DNMT3A: variants seen among roughly 807,000 people sequenced by gnomAD.
The protein encoded by DNMT3A is DNA methyltransferase 3 alpha, also known as DNA (cytosine-5)-methyltransferase 3A.
Under a neutral mutation model 117.6 loss-of-function variants are expected in DNMT3A, and 267 were observed. That is an observed-to-expected ratio of 2.27 (90% CI 2.05 to 2.51). The LOEUF (loss-of-function observed/expected upper bound fraction) is 2.51. DNMT3A is among the 30% of genes most tolerant of loss of function. DNMT3A has a pLI of 0.00. For missense variants in DNMT3A, 1,029 were observed against 1,260.2 expected (o/e 0.82, Z 2.78); for synonymous variants, 432 against 474.8 (o/e 0.91, Z 1.17).
chr2:25,319,281 T>A (rs2034503996), intron 1 of DNMT3A, among the ~76,000 whole-genome samples: 1 of 152,012 alleles, frequency 6.6e-6, no homozygotes, highest in Non-Finnish European at 1.5e-5. Context: ...CCCAAAGTGC[T>A]GGGATTACAG....
intron 6 of DNMT3A, among the ~76,000 whole-genome samples, chr2:25,251,630 C>G (rs997861496): frequency 6.6e-6 from 1 of 152,236 alleles, no homozygotes; most frequent in African/African-American, 2.4e-5. Flanking sequence ...CTTGGGCTAC[C>G]CTGGTGTCAC....
chr2:25,314,614 G>C, intron 1 of DNMT3A: 8 of 985,380 alleles, frequency 8.1e-6, no homozygotes, highest in Non-Finnish European at 9.6e-6. Context: ...TGGAGGAAGT[G>C]AGTGCAGTCA....
chr2:25,256,027 C>T lies in DNMT3A; in HGVS notation c.640-7775G>A, dbSNP rs151220802. ...TCATCCCACCAGGACATTTACCATG[C>T]GAGTCTCTCTACTCTGAATCAGAGA... On this transcript the variant is annotated intron_variant, in intron 6 of 22. Coordinates refer to ENST00000321117, the MANE Select transcript of DNMT3A (RefSeq NM_022552.5). Among the ~76,000 whole-genome samples the T allele has an allele frequency of 4.5e-3, 691 of 152,196 alleles. 4 individuals carry two copies. The highest frequency in any genetic ancestry group is 0.013 in the African/African-American group (539 of 41,526).
intron 1 of DNMT3A, among the ~76,000 whole-genome samples, chr2:25,325,077 G>A (rs535265018): frequency 2.0e-3 from 300 of 152,220 alleles, no homozygotes; most frequent in African/African-American, 7.0e-3. Flanking sequence ...CGGCCACATG[G>A]GAGTCTGAGT....
At chr2:25,289,805 T>C (rs1369891386) in intron 3 of DNMT3A, among the ~76,000 whole-genome samples, 2 of 152,198 alleles carry the variant, frequency 1.3e-5, no homozygotes, top group Non-Finnish European at 2.9e-5. Context: ...TGCTGTGGCC[T>C]GCCCAGCCGG....
chr2:25,261,349 G>T (rs1468988080), intron 6 of DNMT3A, among the ~76,000 whole-genome samples: 1 of 145,738 alleles, frequency 6.9e-6, no homozygotes, highest in Non-Finnish European at 1.5e-5. Flanking sequence ...TGAGGCAGGA[G>T]AATCACTTGA....
intron 1 of DNMT3A, 30 bp from the exon 2 acceptor site, chr2:25,314,191 C>T (rs550461816): frequency 6.4e-6 from 9 of 1,408,720 alleles, no homozygotes; most frequent in Middle Eastern, 2.2e-4. Flanking sequence ...ATCAGTGGGG[C>T]GGAGCACCCC....
At position 25,240,321 on chromosome 2, in the gene DNMT3A, T is replaced by A. The variant is rs1181120114; in HGVS notation, c.2303A>T (p.Asp768Val). ...CTATACCTCGAGAAATCGCGAGATG[T>A]CCCTCTTGTCACTAACGCCCATGGC... ...VVAMGVSDKR[D>V]ISRFLESNPV... Residue 768 changes from aspartate (D) to valine (V), a missense_variant, in exon 19 of 23, where the codon GAC (aspartate) becomes GTC (valine). By Grantham distance (152) the Asp-to-Val change is radical (BLOSUM62 -3). Coordinates refer to ENST00000321117, the MANE Select transcript of DNMT3A (RefSeq NM_022552.5). 2 of 1,614,088 alleles carry A rather than the reference T, an allele frequency of 1.2e-6. No homozygotes were observed. Among genetic ancestry groups the A allele is most frequent in the Non-Finnish European group, 1.7e-6 (2 of 1,180,052 alleles).
intron 1 of DNMT3A, among the ~76,000 whole-genome samples, chr2:25,335,084 G>A (rs1348270928): frequency 2.0e-5 from 3 of 152,008 alleles, no homozygotes; most frequent in African/African-American, 7.2e-5. Flanking sequence ...CTAAACATGT[G>A]TATATTTGTA....
chr2:25,341,283 G>T (rs2035434066), intron 1 of DNMT3A, among the ~76,000 whole-genome samples: 2 of 143,964 alleles, frequency 1.4e-5, no homozygotes, highest in Admixed American at 1.4e-4. Flanking sequence ...GCCTGCGCGG[G>T]GCCCGGCCCC....
At chr2:25,314,819 A>G (rs935153127) in intron 1 of DNMT3A, 1 of 615,598 alleles carries the variant, frequency 1.6e-6, no homozygotes, top group African/African-American at 2.0e-5. Context: ...CCCATGAACC[A>G]GCCTCATTTG....
intron 3 of DNMT3A, among the ~76,000 whole-genome samples, chr2:25,283,284 C>T (rs1270160958): frequency 1.3e-5 from 2 of 150,434 alleles, no homozygotes; most frequent in African/African-American, 4.9e-5. Context: ...ACCGCTTGAA[C>T]CTGGGAGGCA....
chr2:25,255,650 T>C (rs1421914742), intron 6 of DNMT3A, among the ~76,000 whole-genome samples: 2 of 152,124 alleles, frequency 1.3e-5, no homozygotes, highest in African/African-American at 4.8e-5. Context: ...TCAAGCAAAC[T>C]TCCAATTTTA....
At position 25,246,610 on chromosome 2, in the gene DNMT3A, C is replaced by A. The variant is rs772308858; in HGVS notation, c.1279+10G>T. The A allele has an allele frequency of 1.2e-6, 2 of 1,603,258 alleles. No individual in the cohort carries two copies. Among genetic ancestry groups the A allele is most frequent in the Non-Finnish European group, 1.7e-6 (2 of 1,173,732 alleles). The stretch of plus-strand genomic sequence containing the variant: ...GCAGGGGTCCCAGAAAGCTGGGTGC[C>A]CTCATTTACCTTCTGGTGGCTCCAG... On this transcript the variant is annotated intron_variant, in intron 10 of 22. Coordinates refer to ENST00000321117, the MANE Select transcript of DNMT3A (RefSeq NM_022552.5).
chr2:25,282,636 A>T lies in DNMT3A; in HGVS notation c.253T>A (p.Ser85Thr), dbSNP rs760236260. The part of the protein sequence containing the change: ...SPSMAQDSGA[S>T]ELLPNGDLEK... Reference sequence around the variant, plus strand: ...AAGTCCCCATTGGGTAATAGCTCTGAGGCGCCTGAGTCCTGGGCCATGGAT... The same window carrying T: ...AAGTCCCCATTGGGTAATAGCTCTGTGGCGCCTGAGTCCTGGGCCATGGAT... Residue 85 changes from serine to threonine, a missense_variant, in exon 4 of 23, where the codon TCA becomes ACA. Coordinates refer to ENST00000321117, the MANE Select transcript of DNMT3A (RefSeq NM_022552.5). This position sits in a 1 kb window ranked among gnomAD's most constrained non-coding sequence, Gnocchi z 5.2. The T allele has an allele frequency of 6.2e-7, 1 of 1,612,954 alleles. No individual in the cohort carries two copies. Among genetic ancestry groups the T allele is most frequent in the South Asian group, 1.1e-5 (1 of 90,894 alleles).
At position 25,234,383 on chromosome 2, in the gene DNMT3A, T is replaced by TG; in HGVS notation, c.2634dup (p.Asn879GlnfsTer42). On this transcript the variant is annotated frameshift_variant, in exon 23 of 23. Transcript: ENST00000321117. LOFTEE classifies it high-confidence loss of function. The surrounding 1 kb of genome is among the most constrained non-coding windows in gnomAD (Gnocchi z 4.5). ...CTCTGCCTCGCCAAGCGGCTCATGT[T>TG]GGAGACGTCAGTATAGTGGACTGGG... The TG allele has an allele frequency of 1.2e-6, 2 of 1,614,112 alleles. No homozygotes were observed. Among genetic ancestry groups the TG allele is most frequent in the Non-Finnish European group, 8.5e-7 (1 of 1,179,998 alleles).
At chr2:25,341,087 A>C (rs2035412288) in intron 1 of DNMT3A, among the ~76,000 whole-genome samples, 2 of 137,716 alleles carry the variant, frequency 1.5e-5, no homozygotes, top group East Asian at 2.4e-4. Flanking sequence ...CCGCACCCCC[A>C]GCCACAGGTG....
intron 3 of DNMT3A, among the ~76,000 whole-genome samples, chr2:25,299,504 G>T (rs926708741): frequency 6.6e-6 from 1 of 152,244 alleles, no homozygotes; most frequent in African/African-American, 2.4e-5. Flanking sequence ...AGTCCAGCCT[G>T]GGATTCTGGC....
intron 5 of DNMT3A, 74 bp from the exon 6 acceptor site, chr2:25,275,161 A>T (rs1412993339): frequency 1.1e-5 from 16 of 1,477,970 alleles, no homozygotes; most frequent in Non-Finnish European, 1.4e-5. Flanking sequence ...CTCGCCTCAA[A>T]CACAATGTGG....
Sources: gnomAD v4.1 joint callset for allele counts (sites outside exome capture counted in the v4.1 genomes callset) on GRCh38, gnomAD v4.1.1 for gene constraint, Gnocchi (gnomAD v3.1) non-coding constraint, MANE v1.5 for transcripts, NCBI Gene and HGNC (gene_info 2026-07-23, HGNC 2026-07-21) for gene names.